PTK2B: variants seen among roughly 807,000 people sequenced by gnomAD.
PTK2B encodes protein tyrosine kinase 2 beta.
A neutral mutation model predicts 142.9 loss-of-function variants in PTK2B; 71 were observed. That is an observed-to-expected ratio of 0.50 (90% CI 0.41 to 0.61). The LOEUF (loss-of-function observed/expected upper bound fraction) is 0.61, where lower values mean the gene tolerates loss of function less well. PTK2B is among the 20% of genes least tolerant of loss of function. The pLI, the probability that PTK2B is intolerant of heterozygous loss-of-function variation, is 0.00. For missense variants in PTK2B, 1,105 were observed against 1,320.4 expected, an observed-to-expected ratio of 0.84 and a Z score of 2.53; for synonymous variants, 519 against 503.4, an observed-to-expected ratio of 1.03 and a Z score of -0.42.
chr8:27,442,716 G>C (rs1811228804), intron 21 of PTK2B, among the ~76,000 whole-genome samples, 159 bp from the exon 22 acceptor site: 2 of 152,272 alleles, frequency 1.3e-5, no homozygotes, highest in East Asian at 3.9e-4. Flanking sequence ...TGTCTCAGGG[G>C]GCTCTCCCCA....
At chr8:27,385,350 A>G (rs1018706145) in intron 1 of PTK2B, among the ~76,000 whole-genome samples, 2 of 152,152 alleles carry the variant, frequency 1.3e-5, no homozygotes, top group Non-Finnish European at 2.9e-5. Context: ...AAAGGACCTC[A>G]AGGCACTGCC....
intron 1 of PTK2B, among the ~76,000 whole-genome samples, chr8:27,393,277 A>G (rs986382026): frequency 2.7e-4 from 41 of 152,222 alleles, no homozygotes; most frequent in African/African-American, 9.6e-4. Flanking sequence ...AATTGTAATT[A>G]CTTTTGGAAT....
At chr8:27,418,243 C>T (rs963825543) in intron 2 of PTK2B, among the ~76,000 whole-genome samples, 1 of 152,204 alleles carries the variant, frequency 6.6e-6, no homozygotes, top group Middle Eastern at 3.2e-3. Flanking sequence ...AGTTTCACAA[C>T]TCCCTGGAGT....
chr8:27,348,947 C>T (rs759389853), intron 1 of PTK2B, among the ~76,000 whole-genome samples: 2 of 152,156 alleles, frequency 1.3e-5, no homozygotes, highest in Non-Finnish European at 2.9e-5. Flanking sequence ...CTCCACCTTG[C>T]AGCTGACCTG....
At chr8:27,368,861 G>A (rs1806173866) in intron 1 of PTK2B, among the ~76,000 whole-genome samples, 1 of 152,134 alleles carries the variant, frequency 6.6e-6, no homozygotes, top group African/African-American at 2.4e-5. Flanking sequence ...CGGAGACCCT[G>A]GAAAGAAGAA....
At chr8:27,419,739 G>A (rs979492539) in intron 2 of PTK2B, among the ~76,000 whole-genome samples, 156 bp from the exon 3 acceptor site, 1 of 152,166 alleles carries the variant, frequency 6.6e-6, no homozygotes, top group Non-Finnish European at 1.5e-5. Flanking sequence ...AGCCCATTGT[G>A]TACAAATCTT....
chr8:27,422,209 G>T, intron 4 of PTK2B, 95 bp from the exon 5 acceptor site: 8 of 1,210,342 alleles, frequency 6.6e-6, no homozygotes, highest in Non-Finnish European at 9.2e-6. Context: ...TGTCACTCAG[G>T]GAGGCAGAAT....
At chr8:27,413,907 G>A (rs931248229) in intron 2 of PTK2B, among the ~76,000 whole-genome samples, 1 of 152,138 alleles carries the variant, frequency 6.6e-6, no homozygotes, top group Non-Finnish European at 1.5e-5. Flanking sequence ...ACAAGGAAGA[G>A]TATTTTCTTC....
chr8:27,366,114 T>G (rs1194713618), intron 1 of PTK2B, among the ~76,000 whole-genome samples: 1 of 152,240 alleles, frequency 6.6e-6, no homozygotes, highest in East Asian at 1.9e-4. Flanking sequence ...TGCTACTTCC[T>G]GTGATTGACA....
In PTK2B at chr8:27,331,121, C is replaced by T. The variant is rs534267592; in HGVS notation, c.-38+5440C>T. The stretch of plus-strand genomic sequence containing the variant: ...ACAGGAGGGCTCAAAGAATCCACCT[C>T]GCCCAGGGTTTAGAGCTCGGTACCA... On this transcript the variant is annotated intron_variant, in intron 1 of 30. Transcript: ENST00000346049. 8.0e-4 allele frequency among the ~76,000 whole-genome samples: 122 copies of T among 152,332 alleles called. 5 individuals carry two copies. The South Asian group carries it at 0.025, about 31-fold the overall frequency.
chr8:27,397,475 C>A, intron 1 of PTK2B, 73 bp from the exon 2 acceptor site: 1 of 1,169,340 alleles, frequency 8.6e-7, no homozygotes, highest in Non-Finnish European at 1.3e-6. Context: ...TCGGTGGGTG[C>A]TGTCCCTGGG....
chr8:27,343,214 G>T (rs1804515430), intron 1 of PTK2B, among the ~76,000 whole-genome samples: 1 of 152,138 alleles, frequency 6.6e-6, no homozygotes, highest in South Asian at 2.1e-4. Context: ...TTTGTTTGTT[G>T]TTTGTTTGTT....
At chr8:27,437,998 T>C in intron 18 of PTK2B, 118 bp downstream of exon 18, 2 of 896,324 alleles carry the variant, frequency 2.2e-6, no homozygotes, top group Admixed American at 4.6e-5. Context: ...TCCCAGCAAT[T>C]GGCCCAGCAG....
intron 1 of PTK2B, among the ~76,000 whole-genome samples, chr8:27,381,614 C>T (rs775514775): frequency 6.6e-6 from 1 of 152,170 alleles, no homozygotes; most frequent in African/African-American, 2.4e-5. Flanking sequence ...TCAATGTGGA[C>T]GTGCAGATAT....
intron 1 of PTK2B, among the ~76,000 whole-genome samples, chr8:27,360,849 C>T (rs2130755498): frequency 6.6e-6 from 1 of 152,280 alleles, no homozygotes; most frequent in Non-Finnish European, 1.5e-5. Context: ...TCTTCTCCTT[C>T]CAGATGACAA....
exon 1 of PTK2B, chr8:27,311,526 A>G (rs1802972638): frequency 4.2e-6 from 2 of 480,508 alleles, no homozygotes; most frequent in Non-Finnish European, 7.3e-6. Flanking sequence ...TGGCCGGGGT[A>G]GCACGGAAGG....
intron 17 of PTK2B, 65 bp downstream of exon 17, chr8:27,437,561 A>G (rs1810865541): frequency 7.3e-7 from 1 of 1,367,966 alleles, no homozygotes; most frequent in Non-Finnish European, 1.0e-6. Context: ...AGCACAGCCC[A>G]TTCCTCCCAG....
chr8:27,453,304 C>T (rs897095326), intron 28 of PTK2B, 144 bp downstream of exon 28: 10 of 989,464 alleles, frequency 1.0e-5, no homozygotes, highest in East Asian at 2.8e-5. Flanking sequence ...GGTTAGGGGG[C>T]GGGTGGCGGG....
chr8:27,437,090 A>C, intron 15 of PTK2B, 32 bp from the exon 16 acceptor site: 1 of 1,598,220 alleles, frequency 6.3e-7, no homozygotes, highest in South Asian at 1.1e-5. Context: ...ACTGGGCTGG[A>C]CCAAGGGGTC....
Sources: gnomAD v4.1 joint callset for allele counts (sites outside exome capture counted in the v4.1 genomes callset) on GRCh38, gnomAD v4.1.1 for gene constraint, MANE v1.5 for transcripts, NCBI Gene and HGNC (gene_info 2026-07-23, HGNC 2026-07-21) for gene names.